Variants in SMG1 observed in about 807,000 individuals in gnomAD.
SMG1 encodes the protein serine/threonine-protein kinase SMG1.
A neutral mutation model predicts 419.9 loss-of-function variants in SMG1; 22 were observed. The observed-to-expected ratio is 0.05, with a 90% CI of 0.04 to 0.07. The LOEUF is 0.07. Ranked by LOEUF, SMG1 falls within the 10% of genes least tolerant of loss-of-function variation. The pLI, the probability that SMG1 is intolerant of heterozygous loss-of-function variation, is 1.00. For synonymous variants in SMG1, 1,538 were observed against 1,553.5 expected (o/e 0.99, Z 0.23); for missense variants, 3,185 against 4,342.0 (o/e 0.73, Z 7.49).
At position 18,926,024 on chromosome 16, in the gene SMG1, C is replaced by A. The variant is rs769540873; in HGVS notation, c.18G>T (p.Pro6=). ...CGCCGCCGCTGCTCAGCCGAGACCC[C>A]GGGGCTCTGCGGCTCATTACCTTCC... The part of the protein sequence containing the change: MSRRA[P]GSRLSSGGGG... The change falls in exon 1 of 63, where the codon CCG becomes CCT. Residue 6 remains proline (P), a synonymous_variant. Coordinates refer to ENST00000446231, the MANE Select transcript of SMG1 (RefSeq NM_015092.5). 1.5e-4 allele frequency: 234 copies of A among 1,575,274 alleles called. No individual in the cohort carries two copies. Among genetic ancestry groups the A allele is most frequent in the Non-Finnish European group, 1.9e-4 (226 of 1,168,708 alleles).
intron 3 of SMG1, among the ~76,000 whole-genome samples, chr16:18,895,773 A>G (rs2037098240): frequency 6.6e-6 from 1 of 152,098 alleles, no homozygotes; most frequent in African/African-American, 2.4e-5. Flanking sequence ...GACTTGCTGT[A>G]GTAAGAGCCT....
At chr16:18,908,308 T>C (rs1596644620) in intron 1 of SMG1, among the ~76,000 whole-genome samples, 1 of 147,400 alleles carries the variant, frequency 6.8e-6, no homozygotes, top group South Asian at 2.1e-4. Flanking sequence ...GAGGTTGCAG[T>C]GAGCCGAGAG....
Position 18,830,350 on chromosome 16 carries a change from C to G in SMG1, c.8812G>C (p.Gly2938Arg), listed in dbSNP as rs1216177651. ...DVARLLHAQY[G>R]ELIQPRNGSV... ...CCATTTCTCGGTTGGATTAATTCAC[C>G]GTACTGAGCATGTAGTAGTCTACAG... is the stretch of plus-strand genomic sequence containing the variant. The change falls in exon 52 of 63, where the codon GGT becomes CGT. Residue 2938 changes from glycine to arginine, a missense_variant. By Grantham distance (125) the Gly-to-Arg change is moderately radical (BLOSUM62 -2). This residue lies in a region of SMG1 where 737 missense variants were observed against 846.6 expected (regional missense o/e 0.87). Coordinates refer to ENST00000446231, the MANE Select transcript of SMG1 (RefSeq NM_015092.5). 3.1e-6 allele frequency: 5 copies of G among 1,613,710 alleles called. No homozygotes were observed. The highest frequency in any genetic ancestry group is 4.2e-6 in the Non-Finnish European group (5 of 1,179,866).
chr16:18,809,715 A>G (rs926603766), intron 62 of SMG1, 69 bp from the exon 63 acceptor site: 31 of 1,280,926 alleles, frequency 2.4e-5, no homozygotes, highest in Non-Finnish European at 3.2e-5. Flanking sequence ...AATTACAATC[A>G]GCAGACAAAT....
rs114173296 is a variant in SMG1, at chr16:18,906,968, G to C, written c.93-10012C>G. ...CACAGGTGCCCTGCTGAGGAATGAG[G>C]TCGGCTGAGTGAAACTCCTTTTTTA... On this transcript the variant is annotated intron_variant, in intron 1 of 62. Coordinates refer to ENST00000446231, the MANE Select transcript of SMG1 (RefSeq NM_015092.5). Among the ~76,000 whole-genome samples the C allele has an allele frequency of 6.7e-3, 1,022 of 152,384 alleles. 11 individuals are homozygous for C. Among genetic ancestry groups the C allele is most frequent in the African/African-American group, 0.024 (980 of 41,590 alleles).
chr16:18,840,538 A>AAATTTATCTC (rs2033855670), intron 41 of SMG1, among the ~76,000 whole-genome samples: 2 of 152,218 alleles, frequency 1.3e-5, no homozygotes, highest in African/African-American at 2.4e-5. Flanking sequence ...AGACTGTATA[A>AAATTTATCTC]AATTTATCTC....
At chr16:18,821,253 T>TTTTTTTTTTTTTTTTTTTC (rs2032535390) in intron 55 of SMG1, among the ~76,000 whole-genome samples, 1 of 24,846 alleles carries the variant, frequency 4.0e-5, no homozygotes, top group African/African-American at 2.3e-4. Context: ...TTTTTTTTTC[T>TTTTTTTTTTTTTTTTTTTC]TTTTTTTTTT....
chr16:18,872,045 T>C (rs565482980), intron 15 of SMG1, 139 bp downstream of exon 15: 46 of 465,742 alleles, frequency 9.9e-5, no homozygotes, highest in African/African-American at 9.3e-4. Flanking sequence ...ATAAGGTGTT[T>C]GACAATAAAG....
At position 18,866,680 on chromosome 16, in the gene SMG1, T is replaced by G. The variant is rs1193351586; in HGVS notation, c.3291A>C (p.Ser1097=). Residue 1097 remains serine (S), a synonymous_variant, in exon 23 of 63, where the codon TCA becomes TCC. Coordinates refer to ENST00000446231, the MANE Select transcript of SMG1 (RefSeq NM_015092.5). ...EAIQGIAVWS[S]SIVGKNLLWI... ...ACAGAAGATTTTTTCCAACAATAGA[T>G]GATGACCAGACAGCAATTCCCTGTA... The G allele has an allele frequency of 6.3e-7, 1 of 1,594,864 alleles. No homozygotes were observed. Among genetic ancestry groups the G allele is most frequent in the Non-Finnish European group, 8.5e-7 (1 of 1,177,396 alleles).
At chr16:18,868,141 G>A in intron 22 of SMG1, 49 bp downstream of exon 22, 1 of 1,495,206 alleles carries the variant, frequency 6.7e-7, no homozygotes, top group African/African-American at 1.4e-5. Flanking sequence ...ATTAAACCAT[G>A]CTTTTCTTAT....
chr16:18,849,326 G>C lies in SMG1; in HGVS notation c.5514C>G (p.Arg1838=), dbSNP rs1202271083. The C allele has an allele frequency of 1.9e-6, 3 of 1,613,810 alleles. No homozygotes were observed. The highest frequency in any genetic ancestry group is 2.5e-6 in the Non-Finnish European group (3 of 1,179,808). ...GGCAGAGAAGGTTACAAATACTTTGGCGCACATACACTTCAGGGTGGTTTA... is the reference window on the plus strand; with the variant it reads ...GGCAGAGAAGGTTACAAATACTTTGCCGCACATACACTTCAGGGTGGTTTA... ...SRLNHPEVYV[R]QSICNLLCRV... Residue 1838 remains arginine (R), a synonymous_variant, in exon 36 of 63, where the codon CGC becomes CGG. Coordinates refer to ENST00000446231, the MANE Select transcript of SMG1 (RefSeq NM_015092.5).
rs148468415 is a variant in SMG1, at chr16:18,874,866, CAAAAAAAAAAAAAAAAAAAAAAA to C, written c.1890+1235_1890+1257del. Among the ~76,000 whole-genome samples, 6 of 49,654 alleles carry C rather than the reference CAAAAAAAAAAAAAAAAAAAAAAA, an allele frequency of 1.2e-4. 1 individual carries two copies. The South Asian group carries it at 3.9e-3, about 32-fold the overall frequency. The allele number at this position is 49,654 out of a possible 152,430, so 32.6% of individuals were successfully genotyped here. A position where few individuals can be genotyped will look rare whatever the true frequency, so the allele number is the denominator to read the frequency against. On this transcript the variant is annotated intron_variant, in intron 13 of 62. Transcript: ENST00000446231. Reference sequence around the variant, plus strand: ...AGGCGACAACAGCATGACTCTGTCTCAAAAAAAAAAAAAAAAAAAAAAAAAAAAAAAAAAGCCTTTTTTTTTTT... The same window carrying C: ...AGGCGACAACAGCATGACTCTGTCTCAAAAAAAAAAAGCCTTTTTTTTTTT...
intron 57 of SMG1, 35 bp downstream of exon 57, chr16:18,817,256 C>G: frequency 1.3e-6 from 2 of 1,560,876 alleles, no homozygotes; most frequent in African/African-American, 2.7e-5. Flanking sequence ...TAACACTAGC[C>G]TTATTTAATC....
intron 56 of SMG1, 137 bp downstream of exon 56, chr16:18,819,365 C>G: frequency 1.2e-6 from 1 of 820,080 alleles, no homozygotes; most frequent in South Asian, 1.7e-5. Context: ...CCTGAAAGGC[C>G]CATCCGTCCC....
Position 18,858,162 on chromosome 16 carries a change from C to A in SMG1, c.4234+8G>T, listed in dbSNP as rs1296668254. The A allele has an allele frequency of 1.2e-5, 18 of 1,530,274 alleles. No individual in the cohort carries two copies. Among genetic ancestry groups the A allele is most frequent in the East Asian group, 2.4e-5 (1 of 40,954 alleles). 94.8% of individuals were successfully genotyped at this position (1,530,274 alleles called of 1,614,324 possible). ...AATTTTCTCTTACAAGAAAAAAAAA[C>A]CACTTACCTTTAATTTTCTCCAACA... On this transcript the variant is annotated splice_region_variant and intron_variant, in intron 29 of 62. Transcript: ENST00000446231.
chr16:18,820,335 T>G (rs1358431622), intron 55 of SMG1, among the ~76,000 whole-genome samples: 1 of 152,074 alleles, frequency 6.6e-6, no homozygotes, highest in East Asian at 1.9e-4. Flanking sequence ...CCAAAGAAGC[T>G]GGGACAAGAG....
At chr16:18,842,977 T>A (rs2034013597) in intron 39 of SMG1, among the ~76,000 whole-genome samples, 1 of 152,242 alleles carries the variant, frequency 6.6e-6, no homozygotes, top group Non-Finnish European at 1.5e-5. Context: ...GTTAAGACTC[T>A]TTCTTTTCCT....
At chr16:18,873,131 A>T (rs537478639) in intron 13 of SMG1, among the ~76,000 whole-genome samples, 1 of 152,216 alleles carries the variant, frequency 6.6e-6, no homozygotes, top group South Asian at 2.1e-4. Flanking sequence ...TCCAGCCTAG[A>T]TGACAAAGTT....
chr16:18,890,850 A>G lies in SMG1; in HGVS notation c.608+13T>C, dbSNP rs9932903. On this transcript the variant is annotated intron_variant, in intron 5 of 62. Transcript: ENST00000446231. ...TTAAAGTCATTTAAACTGAACCATT[A>G]TTAGTTACTTACCTTTCATTAAGCA... 0.066 allele frequency: 98,312 copies of G among 1,499,720 alleles called. 3,843 individuals are homozygous for G. Among genetic ancestry groups the G allele is most frequent in the African/African-American group, 0.16 (11,296 of 72,320 alleles). The allele number at this position is 1,499,720 out of a possible 1,614,324, so 92.9% of individuals were successfully genotyped here.
Sources: gnomAD v4.1 joint callset for allele counts (sites outside exome capture counted in the v4.1 genomes callset) on GRCh38, gnomAD v4.1.1 for gene constraint, gnomAD v4.1.1 regional missense constraint, MANE v1.5 for transcripts, NCBI Gene and HGNC (gene_info 2026-07-23, HGNC 2026-07-21) for gene names.